Variants in CYP2B6 observed in about 807,000 individuals in gnomAD.
CYP2B6 encodes the protein cytochrome P450 family 2 subfamily B member 6.
Under a neutral mutation model 43.4 loss-of-function variants are expected in CYP2B6, and 35 were observed. That is an observed-to-expected ratio of 0.81 (90% CI 0.62 to 1.07). The LOEUF (loss-of-function observed/expected upper bound fraction) is 1.07, where lower values mean the gene tolerates loss of function less well. Ranked by LOEUF, CYP2B6 falls within the 50% of genes least tolerant of loss-of-function variation. CYP2B6 has a pLI of 0.00. For missense variants in CYP2B6, 624 were observed against 632.8 expected (o/e 0.99, Z 0.15); for synonymous variants, 239 against 239.2 (o/e 1.00, Z 0.01).
At chr19:41,009,685 G>T in intron 5 of CYP2B6, 1 of 600,804 alleles carries the variant, frequency 1.7e-6, no homozygotes, top group South Asian at 2.0e-5. Flanking sequence ...AGGAATTCGG[G>T]GCAAGGGACA....
intron 6 of CYP2B6, 109 bp downstream of exon 6, chr19:41,010,244 T>G (rs1599850375): frequency 7.4e-7 from 1 of 1,344,796 alleles, no homozygotes; most frequent in Non-Finnish European, 1.0e-6. Flanking sequence ...CTTCCTATTC[T>G]GGGAGCACTG....
intron 8 of CYP2B6, among the ~76,000 whole-genome samples, chr19:41,013,601 A>T (rs1969318542): frequency 6.6e-6 from 1 of 150,436 alleles, no homozygotes; most frequent in South Asian, 2.1e-4. Context: ...AAATAAGACA[A>T]AGGGCTCATC....
chr19:41,009,938 A>G (rs904565592), intron 5 of CYP2B6, 56 bp from the exon 6 acceptor site: 1 of 1,611,238 alleles, frequency 6.2e-7, no homozygotes, highest in Admixed American at 1.7e-5. Flanking sequence ...GGGCGTATAC[A>G]CAGCAAGGCT....
chr19:40,996,117 T>C (rs1293449342), intron 1 of CYP2B6, among the ~76,000 whole-genome samples: 1 of 152,074 alleles, frequency 6.6e-6, no homozygotes, highest in Non-Finnish European at 1.5e-5. Context: ...TAATAAACTT[T>C]GAGGGATGTG....
intron 8 of CYP2B6, chr19:41,013,035 G>T (rs1969309443): frequency 3.4e-6 from 2 of 593,716 alleles, no homozygotes; most frequent in Admixed American, 2.9e-5. Context: ...CCTTGGGCAA[G>T]TATTTTAACA....
At chr19:41,014,188 C>T (rs572700937) in intron 8 of CYP2B6, among the ~76,000 whole-genome samples, 2 of 152,296 alleles carry the variant, frequency 1.3e-5, no homozygotes, top group African/African-American at 2.4e-5. Flanking sequence ...GGCCCAGCCC[C>T]CGGTTTTGCG....
chr19:40,997,860 G>A (rs1969020522), intron 1 of CYP2B6, among the ~76,000 whole-genome samples: 1 of 152,106 alleles, frequency 6.6e-6, no homozygotes, highest in Non-Finnish European at 1.5e-5. Flanking sequence ...AACACTTTGG[G>A]AGGCTGAGGT....
rs34240232 is a variant in CYP2B6, at chr19:41,002,092, C to T, written c.172-1909C>T. Among the ~76,000 whole-genome samples the T allele has an allele frequency of 2.1e-3, 316 of 152,178 alleles. 2 individuals carry two copies. Among genetic ancestry groups the T allele is most frequent in the African/African-American group, 7.1e-3 (295 of 41,480 alleles). On this transcript the variant is annotated intron_variant, in intron 1 of 8. Coordinates refer to ENST00000324071, the MANE Select transcript of CYP2B6 (RefSeq NM_000767.5). Reference sequence around the variant, plus strand: ...AGAAGTCAGAGCGGTAATAGGGCCACGTCATGTAGGACCATGTGAACCCTC... The same window carrying T: ...AGAAGTCAGAGCGGTAATAGGGCCATGTCATGTAGGACCATGTGAACCCTC...
chr19:41,010,239 T>C, intron 6 of CYP2B6, 104 bp downstream of exon 6: 1 of 1,402,290 alleles, frequency 7.1e-7, no homozygotes, highest in Non-Finnish European at 9.9e-7. Context: ...GCTGGCTTCC[T>C]ATTCTGGGAG....
chr19:41,004,329 G>T lies in CYP2B6; in HGVS notation c.367G>T (p.Val123Leu). The T allele has an allele frequency of 1.2e-6, 2 of 1,613,982 alleles. No individual in the cohort carries two copies. The highest frequency in any genetic ancestry group is 8.5e-7 in the Non-Finnish European group (1 of 1,180,026). The change falls in exon 3 of 9, where the codon GTG (valine) becomes TTG (leucine). Residue 123 changes from valine to leucine, a missense_variant. Coordinates refer to ENST00000324071, the MANE Select transcript of CYP2B6 (RefSeq NM_000767.5). Reference protein sequence around the residue: ...VIFANGNRWKVLRRFSVTTMR... With the variant: ...VIFANGNRWKLLRRFSVTTMR... ...CTTTGCCAATGGAAACCGCTGGAAG[G>T]TGCTTCGGCGATTCTCTGTGACCAC...
chr19:40,999,304 G>A (rs889130965), intron 1 of CYP2B6, among the ~76,000 whole-genome samples: 1 of 151,886 alleles, frequency 6.6e-6, no homozygotes, highest in Non-Finnish European at 1.5e-5. Context: ...TGAGTTCATT[G>A]TAGATTCTGG....
At position 41,012,373 on chromosome 19, in the gene CYP2B6, C is replaced by T; in HGVS notation, c.1040C>T (p.Pro347Leu). The stretch of plus-strand genomic sequence containing the variant: ...GAGCTTCATGACCGAGCCAAAATGC[C>T]ATACACAGAGGCAGTCATCTATGAG... Reference protein sequence around the residue: ...PPELHDRAKMPYTEAVIYEIQ... With the variant: ...PPELHDRAKMLYTEAVIYEIQ... The change falls in exon 7 of 9, where the codon CCA becomes CTA. Residue 347 changes from proline to leucine, a missense_variant. Coordinates refer to ENST00000324071, the MANE Select transcript of CYP2B6 (RefSeq NM_000767.5). The T allele has an allele frequency of 6.2e-7, 1 of 1,614,122 alleles. No homozygotes were observed. Among genetic ancestry groups the T allele is most frequent in the African/African-American group, 1.3e-5 (1 of 75,018 alleles).
chr19:41,004,572 T>C, intron 3 of CYP2B6, 126 bp downstream of exon 3: 1 of 1,070,228 alleles, frequency 9.3e-7, no homozygotes, highest in Non-Finnish European at 1.4e-6. Flanking sequence ...GGAGACACCA[T>C]CAGACAGAGG....
rs895897339 is a variant in CYP2B6 at position 40,999,793 on chromosome 19, A to T, written c.172-4208A>T. On this transcript the variant is annotated intron_variant, in intron 1 of 8. Coordinates refer to ENST00000324071, the MANE Select transcript of CYP2B6 (RefSeq NM_000767.5). ...AGCCTTGAACTCCTGTGCTCAGGAG[A>T]TTCTCCCACCTTAGCCTCCAGAGTA... Among the ~76,000 whole-genome samples the T allele has an allele frequency of 1.6e-4, 25 of 152,154 alleles. 1 individual carries two copies. Among genetic ancestry groups the T allele is most frequent in the South Asian group, 6.2e-4 (3 of 4,802 alleles).
In CYP2B6 at chr19:41,003,179, A is replaced by G. The variant is rs35281419; in HGVS notation, c.172-822A>G. 3.2e-3 allele frequency among the ~76,000 whole-genome samples: 494 copies of G among 152,258 alleles called. 2 individuals are homozygous for G. The highest frequency in any genetic ancestry group is 4.3e-3 in the Non-Finnish European group (292 of 68,024). ...TCAGCTTCAGGAAATACTGCCCAGCAGTTCCCCAAGTGGCTGCACAGTAAT... is the reference window on the plus strand; with the variant it reads ...TCAGCTTCAGGAAATACTGCCCAGCGGTTCCCCAAGTGGCTGCACAGTAAT... On this transcript the variant is annotated intron_variant, in intron 1 of 8. Coordinates refer to ENST00000324071, the MANE Select transcript of CYP2B6 (RefSeq NM_000767.5).
At chr19:41,000,122 C>T (rs1284764392) in intron 1 of CYP2B6, among the ~76,000 whole-genome samples, 14 of 152,114 alleles carry the variant, frequency 9.2e-5, no homozygotes, top group Non-Finnish European at 1.3e-4. Flanking sequence ...AGTGCAAGAA[C>T]GGTGTCTGCT....
At chr19:41,004,582 G>A (rs1969148547) in intron 3 of CYP2B6, 136 bp downstream of exon 3, 1 of 997,564 alleles carries the variant, frequency 1.0e-6, no homozygotes, top group African/African-American at 1.6e-5. Flanking sequence ...TCAGACAGAG[G>A]GATAGAGACA....
intron 1 of CYP2B6, among the ~76,000 whole-genome samples, chr19:41,003,706 T>A (rs1212467055): frequency 6.6e-6 from 1 of 152,160 alleles, no homozygotes; most frequent in African/African-American, 2.4e-5. Flanking sequence ...TTTAGCAGCC[T>A]GAAGCCATGG....
rs116986838 is a variant in CYP2B6 at position 41,014,276 on chromosome 19, T to C, written c.1294+1461T>C. ...TGTGGTGATGGCTTGAATGTCAATG[T>C]CTTCTCTCAATTTTGCTATCTGAAG... is the stretch of plus-strand genomic sequence containing the variant. On this transcript the variant is annotated intron_variant, in intron 8 of 8. Transcript: ENST00000324071. 1.5e-3 allele frequency among the ~76,000 whole-genome samples: 223 copies of C among 152,172 alleles called. 6 individuals carry two copies. The East Asian group carries it at 0.037, about 25-fold the overall frequency.
Sources: allele counts gnomAD v4.1 joint callset (sites outside exome capture counted in the v4.1 genomes callset), GRCh38; gene constraint gnomAD v4.1.1; transcripts MANE v1.5; gene names NCBI Gene and HGNC (gene_info 2026-07-23, HGNC 2026-07-21).